HNF4G: variants seen among roughly 807,000 people sequenced by gnomAD.
HNF4G encodes hepatocyte nuclear factor 4 gamma, also known as hepatocyte nuclear factor 4-gamma.
A neutral mutation model predicts 50.9 loss-of-function variants in HNF4G; 21 were observed. That is an observed-to-expected ratio of 0.41 (90% confidence interval 0.29 to 0.59). The LOEUF is 0.59. Ranked by LOEUF, HNF4G falls within the 20% of genes least tolerant of loss-of-function variation. HNF4G has a pLI of 0.26. For missense variants in HNF4G, 527 were observed against 559.4 expected, an observed-to-expected ratio of 0.94 and a Z score of 0.58; for synonymous variants, 198 against 185.6, an observed-to-expected ratio of 1.07 and a Z score of -0.54.
At chr8:75,483,235 A>G (rs1812420902) in intron 1 of HNF4G, among the ~76,000 whole-genome samples, 1 of 147,814 alleles carries the variant, frequency 6.8e-6, no homozygotes, top group African/African-American at 2.6e-5. Flanking sequence ...TTATTCATTT[A>G]TTTCAAATAA....
Position 75,508,272 on chromosome 8 carries a change from G to A in HNF4G, c.-24+18064G>A, listed in dbSNP as rs1034747916. Among the ~76,000 whole-genome samples, 16 of 151,786 alleles carry A rather than the reference G, an allele frequency of 1.1e-4. No homozygotes were observed. In the South Asian group the frequency reaches 2.9e-3, roughly 28 times the overall value. On this transcript the variant is annotated intron_variant, in intron 2 of 10. Coordinates refer to the HNF4G transcript ENST00000354370. ...TTTTCCATGCCCTATTTGAGAAAAT[G>A]GGCTGGGCACAAGCCTTGAACAATT...
At chr8:75,421,324 G>C (rs1387461726) in intron 1 of HNF4G, among the ~76,000 whole-genome samples, 1 of 152,056 alleles carries the variant, frequency 6.6e-6, no homozygotes, top group Non-Finnish European at 1.5e-5. Context: ...CAGGTCTAAG[G>C]GTTATTTAAA....
intron 2 of HNF4G, among the ~76,000 whole-genome samples, chr8:75,502,140 C>T (rs907827357): frequency 4.6e-5 from 7 of 152,028 alleles, no homozygotes; most frequent in Non-Finnish European, 1.0e-4. Flanking sequence ...CGTGAGCCAC[C>T]GCGCCTGGCC....
chr8:75,475,501 T>A (rs1329508698), intron 1 of HNF4G, among the ~76,000 whole-genome samples: 5 of 152,160 alleles, frequency 3.3e-5, no homozygotes, highest in Non-Finnish European at 7.4e-5. Flanking sequence ...TGTGCGTGTA[T>A]TTATATTTAT....
chr8:75,423,970 T>A (rs1021527448), intron 1 of HNF4G, among the ~76,000 whole-genome samples: 1 of 151,498 alleles, frequency 6.6e-6, no homozygotes, highest in Admixed American at 6.6e-5. Flanking sequence ...ACTACAAGTA[T>A]GCATCACCAC....
intron 1 of HNF4G, among the ~76,000 whole-genome samples, chr8:75,418,151 G>C (rs922778884): frequency 6.6e-6 from 1 of 152,074 alleles, no homozygotes; most frequent in Non-Finnish European, 1.5e-5. Flanking sequence ...CCTTCTCCTT[G>C]GCTTGCAGAT....
chr8:75,532,528 C>T (rs970154082), intron 2 of HNF4G, among the ~76,000 whole-genome samples: 1 of 151,994 alleles, frequency 6.6e-6, no homozygotes, highest in Non-Finnish European at 1.5e-5. Context: ...CACATTGAAT[C>T]ATGCTTCCCA....
chr8:75,467,509 A>C (rs117372950), intron 1 of HNF4G, among the ~76,000 whole-genome samples: 2,459 of 152,250 alleles, frequency 0.016, 26 homozygotes, highest in Middle Eastern at 0.031. Context: ...AAATACAAAA[A>C]ATCAGCTGAG....
At chr8:75,462,600 G>A (rs1270935007) in intron 1 of HNF4G, among the ~76,000 whole-genome samples, 2 of 152,152 alleles carry the variant, frequency 1.3e-5, no homozygotes, top group African/African-American at 4.8e-5. Context: ...CGAAACCTTG[G>A]ATAAGGGAAG....
At chr8:75,501,542 T>A (rs1812926051) in intron 2 of HNF4G, among the ~76,000 whole-genome samples, 1 of 152,138 alleles carries the variant, frequency 6.6e-6, no homozygotes, top group South Asian at 2.1e-4. Context: ...AGTTTTGTTA[T>A]TTTTTTCACA....
chr8:75,554,214 C>T (rs1057514537), intron 5 of HNF4G, among the ~76,000 whole-genome samples: 2 of 152,004 alleles, frequency 1.3e-5, no homozygotes, highest in East Asian at 1.9e-4. Context: ...CAGTGAATAA[C>T]GCTAAATTGC....
chr8:75,555,507 A>G (rs1807088410), intron 5 of HNF4G, among the ~76,000 whole-genome samples: 1 of 152,050 alleles, frequency 6.6e-6, no homozygotes, highest in African/African-American at 2.4e-5. Context: ...TATTTAGTTT[A>G]TTACGTGCAG....
At chr8:75,558,482 AT>A (rs1563554916) in intron 6 of HNF4G, 35 bp from the exon 7 acceptor site, 1 of 1,580,436 alleles carries the variant, frequency 6.3e-7, no homozygotes, top group Non-Finnish European at 8.6e-7. Context: ...ACAGGTGGTT[AT>A]TTTGTTTTGT....
chr8:75,500,273 T>C (rs1409684870), intron 2 of HNF4G, among the ~76,000 whole-genome samples: 1 of 152,138 alleles, frequency 6.6e-6, no homozygotes. Flanking sequence ...TGAAAAAATG[T>C]CCAACATCGT....
intron 1 of HNF4G, among the ~76,000 whole-genome samples, chr8:75,470,849 A>T (rs2130631872): frequency 6.6e-6 from 1 of 152,332 alleles, no homozygotes; most frequent in African/African-American, 2.4e-5. Flanking sequence ...TAGTCAAATA[A>T]TGCTGTAGTT....
chr8:75,510,926 T>C (rs145398101), intron 2 of HNF4G, among the ~76,000 whole-genome samples: 34 of 152,280 alleles, frequency 2.2e-4, no homozygotes, highest in African/African-American at 7.9e-4. Context: ...CATTTTAAAT[T>C]GCTGCCTAAT....
intron 1 of HNF4G, among the ~76,000 whole-genome samples, chr8:75,479,459 G>A (rs1812320087): frequency 6.6e-6 from 1 of 152,148 alleles, no homozygotes; most frequent in Admixed American, 6.5e-5. Context: ...GATTTGAACT[G>A]AGGAGACTGT....
chr8:75,521,240 G>A (rs1431807192), intron 2 of HNF4G, among the ~76,000 whole-genome samples: 1 of 152,116 alleles, frequency 6.6e-6, no homozygotes, highest in African/African-American at 2.4e-5. Flanking sequence ...AGAATGAGAA[G>A]AAGACAAATA....
At chr8:75,486,027 T>C (rs1418051325) in intron 1 of HNF4G, among the ~76,000 whole-genome samples, 1 of 152,162 alleles carries the variant, frequency 6.6e-6, no homozygotes, top group Non-Finnish European at 1.5e-5. Context: ...ATATCCTTCA[T>C]CCAAAGCATC....
Sources: allele counts gnomAD v4.1 joint callset (sites outside exome capture counted in the v4.1 genomes callset), GRCh38; gene constraint gnomAD v4.1.1; transcripts MANE v1.5; gene names NCBI Gene and HGNC (gene_info 2026-07-23, HGNC 2026-07-21).